The following GPAM variants were observed in gnomAD, a reference collection of about 807,000 sequenced individuals.
The protein encoded by GPAM is glycerol-3-phosphate acyltransferase 1, mitochondrial.
In GPAM, 56 loss-of-function variants were observed where a neutral mutation model predicts 105.0. The observed-to-expected ratio is 0.53, with a 90% confidence interval of 0.43 to 0.67. The LOEUF is 0.67. Among genes scored for constraint, GPAM ranks in the 30% least tolerant of loss-of-function variants. The pLI, the probability that GPAM is intolerant of heterozygous loss-of-function variation, is 0.00. For missense variants in GPAM, 855 were observed against 989.8 expected, an observed-to-expected ratio of 0.86 and a Z score of 1.83; for synonymous variants, 368 against 354.4, an observed-to-expected ratio of 1.04 and a Z score of -0.43.
At chr10:112,200,227 GTATATA>G (rs66664923) in intron 1 of GPAM, among the ~76,000 whole-genome samples, 2 of 84,994 alleles carry the variant, frequency 2.4e-5, no homozygotes, top group Non-Finnish European at 5.1e-5. Context: ...CACACTATAT[GTATATA>G]TATATATATA....
rs955054012 is a variant in GPAM at position 112,169,956 on chromosome 10, T to C, written c.795-1004A>G. ...TTGTGCATTCCTTATGAGAATCTAA[T>C]GCCTGATGATCTGTCACTGTCTCCT... On this transcript the variant is annotated intron_variant, in intron 9 of 21. Transcript: ENST00000348367. 3.4e-4 allele frequency among the ~76,000 whole-genome samples: 52 copies of C among 152,228 alleles called. 3 individuals carry two copies. Among genetic ancestry groups the C allele is most frequent in the Non-Finnish European group, 2.9e-5 (2 of 68,040 alleles).
chr10:112,185,866 A>AC (rs201238697), upstream of GPAM, among the ~76,000 whole-genome samples: 1,808 of 152,316 alleles, frequency 0.012, 32 homozygotes, highest in African/African-American at 0.041. Flanking sequence ...TACTGAAAGT[A>AC]AAAGTAGAGT....
chr10:112,225,260 G>A, the GPAM span, among the ~76,000 whole-genome samples: 1 of 152,294 alleles, frequency 6.6e-6, no homozygotes, highest in South Asian at 2.1e-4. Context: ...AATCCCAGAG[G>A]AGAGCCCAGC....
At chr10:112,156,273 T>C (rs1847016725) in intron 19 of GPAM, 1 of 570,702 alleles carries the variant, frequency 1.8e-6, no homozygotes, top group South Asian at 2.0e-5. Context: ...CACTTTTTTA[T>C]GGTATTTGAG....
At chr10:112,192,595 G>C (rs1847674616) in intron 1 of GPAM, among the ~76,000 whole-genome samples, 1 of 152,184 alleles carries the variant, frequency 6.6e-6, no homozygotes, top group Non-Finnish European at 1.5e-5. Flanking sequence ...AAGCCCAGAG[G>C]GAGGGCAGAA....
chr10:112,163,546 TC>T (rs1847160884), intron 14 of GPAM, among the ~76,000 whole-genome samples, 154 bp downstream of exon 14: 1 of 152,248 alleles, frequency 6.6e-6, no homozygotes, highest in Admixed American at 6.5e-5. Flanking sequence ...TCTCAAATCC[TC>T]ACGGTATCAC....
At chr10:112,174,007 GCTAT>G (rs530190153) in intron 6 of GPAM, among the ~76,000 whole-genome samples, 162 bp from the exon 7 acceptor site, 109 of 152,280 alleles carry the variant, frequency 7.2e-4, no homozygotes, top group African/African-American at 2.5e-3. Context: ...GCTCTTTCTG[GCTAT>G]CTATTAAATA....
chr10:112,220,068 G>A (rs1848003967), upstream of GPAM, among the ~76,000 whole-genome samples: 1 of 152,126 alleles, frequency 6.6e-6, no homozygotes, highest in African/African-American at 2.4e-5. Flanking sequence ...AGCCTTTTTA[G>A]ATGTCTTTTC....
At chr10:112,156,748 A>G (rs1192443771) in intron 19 of GPAM, 1 of 173,908 alleles carries the variant, frequency 5.8e-6, no homozygotes. Flanking sequence ...ACGGGTCATT[A>G]TTACTAAGTT....
chr10:112,160,647 G>T lies in GPAM; in HGVS notation c.1716C>A (p.Tyr572Ter). Reference sequence around the variant, plus strand: ...TAAAGACATGAAGTACCCCATTGCTGTAGAAGTTGAGTTCGAAGACTGATG... The same window carrying T: ...TAAAGACATGAAGTACCCCATTGCTTTAGAAGTTGAGTTCGAAGACTGATG... The part of the protein sequence containing the change: ...TVPSVFELNF[Y>*]SNGVLHVFIM... Residue 572 changes from tyrosine (Y) to a stop codon, truncating the protein, a stop_gained, in exon 16 of 22, where the codon TAC (tyrosine) becomes TAA (stop). Coordinates refer to ENST00000348367, the MANE Select transcript of GPAM (RefSeq NM_001244949.2). LOFTEE classifies it high-confidence loss of function. 1 of 1,613,064 alleles carries T rather than the reference G, an allele frequency of 6.2e-7. No individual in the cohort carries two copies. The highest frequency in any genetic ancestry group is 2.2e-5 in the East Asian group (1 of 44,868).
chr10:112,178,187 GA>G (rs1176232378), intron 4 of GPAM, 130 bp from the exon 5 acceptor site: 9 of 611,110 alleles, frequency 1.5e-5, no homozygotes, highest in Non-Finnish European at 2.4e-5. Context: ...TCTTAGGGAA[GA>G]AAAAAGTTTT....
intron 1 of GPAM, among the ~76,000 whole-genome samples, chr10:112,210,591 C>T (rs2133305804): frequency 6.6e-6 from 1 of 152,332 alleles, no homozygotes; most frequent in African/African-American, 2.4e-5. Flanking sequence ...GCATATGCTT[C>T]TGGAGGTCAA....
intron 18 of GPAM, among the ~76,000 whole-genome samples, 189 bp from the exon 19 acceptor site, chr10:112,157,578 AG>A (rs1329852148): frequency 6.6e-6 from 1 of 152,182 alleles, no homozygotes; most frequent in East Asian, 1.9e-4. Flanking sequence ...GACAAAAGAA[AG>A]GGCAGGTGGG....
At chr10:112,194,627 A>G (rs200305861) in intron 1 of GPAM, among the ~76,000 whole-genome samples, 51 of 152,194 alleles carry the variant, frequency 3.4e-4, no homozygotes, top group Non-Finnish European at 6.3e-4. Context: ...AGATTTTAAC[A>G]TGGACAAACC....
Position 112,163,785 on chromosome 10 carries a change from T to C in GPAM, c.1339A>G (p.Thr447Ala). 1 of 1,599,092 alleles carries C rather than the reference T, an allele frequency of 6.3e-7. No individual in the cohort carries two copies. The highest frequency in any genetic ancestry group is 8.6e-7 in the Non-Finnish European group (1 of 1,166,234). The change falls in exon 14 of 22, where the codon ACG becomes GCG. Residue 447 changes from threonine (T) to alanine (A), a missense_variant. Thr to Ala is a moderately conservative substitution (Grantham distance 58). Coordinates refer to ENST00000348367, the MANE Select transcript of GPAM (RefSeq NM_001244949.2). ...PSDAADEGRD[T>A]SINESRNATD... is the part of the protein sequence containing the mutation. Reference sequence around the variant, plus strand: ...GCATTTCTGGACTCATTAATGGACGTGTCTCTACCTTCATCAGCAGCATCA... The same window carrying C: ...GCATTTCTGGACTCATTAATGGACGCGTCTCTACCTTCATCAGCAGCATCA...
chr10:112,221,494 G>C, the GPAM span, among the ~76,000 whole-genome samples: 7 of 152,274 alleles, frequency 4.6e-5, no homozygotes, highest in East Asian at 1.3e-3. Flanking sequence ...CTGGGAATCT[G>C]CATTTTAACA....
intron 3 of GPAM, 79 bp from the exon 4 acceptor site, chr10:112,180,674 T>C (rs1190038476): frequency 6.8e-6 from 9 of 1,318,418 alleles, no homozygotes; most frequent in Non-Finnish European, 9.8e-6. Context: ...ATCTAAAGTA[T>C]TTTGAACAGA....
chr10:112,204,088 C>T (rs1229785873), intron 1 of GPAM, among the ~76,000 whole-genome samples: 2 of 152,148 alleles, frequency 1.3e-5, no homozygotes, highest in African/African-American at 4.8e-5. Context: ...TGTCTTGAGA[C>T]ACTAAGAACC....
chr10:112,173,561 G>A, intron 7 of GPAM, 138 bp downstream of exon 7: 1 of 882,396 alleles, frequency 1.1e-6, no homozygotes, highest in Non-Finnish European at 1.9e-6. Flanking sequence ...AATATAAGAA[G>A]AGTTTAATTT....
Sources: allele counts gnomAD v4.1 joint callset (sites outside exome capture counted in the v4.1 genomes callset), GRCh38; gene constraint gnomAD v4.1.1; transcripts MANE v1.5; gene names NCBI Gene and HGNC (gene_info 2026-07-23, HGNC 2026-07-21).